The following FRMD5 variants were observed in gnomAD, a reference collection of about 807,000 sequenced individuals.
The protein encoded by FRMD5 is FERM domain-containing protein 5.
In FRMD5, 20 loss-of-function variants were observed where a neutral mutation model predicts 69.0. The ratio of observed to expected loss-of-function variants is 0.29; its 90% CI spans 0.20 to 0.42. The LOEUF (loss-of-function observed/expected upper bound fraction) is 0.42, where lower values mean the gene tolerates loss of function less well. Among genes scored for constraint, FRMD5 ranks in the 10% least tolerant of loss-of-function variants. FRMD5 has a pLI of 1.00. For missense variants in FRMD5, 595 were observed against 708.6 expected (o/e 0.84, Z 1.82); for synonymous variants, 271 against 260.1 (o/e 1.04, Z -0.40).
At chr15:43,904,782 G>A (rs1453656080) in intron 6 of FRMD5, among the ~76,000 whole-genome samples, 1 of 152,116 alleles carries the variant, frequency 6.6e-6, no homozygotes. Context: ...TTTAAAATCA[G>A]GCTTTGTAGA....
At chr15:44,148,271 T>A (rs2077386212) in intron 1 of FRMD5, among the ~76,000 whole-genome samples, 1 of 152,006 alleles carries the variant, frequency 6.6e-6, no homozygotes, top group Admixed American at 6.6e-5. Flanking sequence ...GCTTCACAGA[T>A]ATTACTTTTT....
chr15:44,033,665 A>G (rs566049913), intron 1 of FRMD5, among the ~76,000 whole-genome samples: 24 of 152,322 alleles, frequency 1.6e-4, no homozygotes, highest in African/African-American at 5.8e-4. Flanking sequence ...GTTCTGAGCT[A>G]ATTTCAAAAA....
intron 1 of FRMD5, among the ~76,000 whole-genome samples, chr15:44,058,281 A>T (rs1310066380): frequency 6.6e-6 from 1 of 152,192 alleles, no homozygotes; most frequent in African/African-American, 2.4e-5. Context: ...GTTTATATGA[A>T]ATGTCCAGCA....
chr15:44,154,408 G>A (rs985819270), intron 1 of FRMD5, among the ~76,000 whole-genome samples: 7 of 151,774 alleles, frequency 4.6e-5, no homozygotes, highest in African/African-American at 4.8e-5. Context: ...TAGTTTTTCC[G>A]AATCACCATG....
At chr15:44,115,448 T>C (rs1036113253) in intron 1 of FRMD5, among the ~76,000 whole-genome samples, 1 of 152,196 alleles carries the variant, frequency 6.6e-6, no homozygotes, top group African/African-American at 2.4e-5. Context: ...CAGCTGGAAA[T>C]GCGTTTCTTT....
At chr15:44,148,522 C>T (rs2077393145) in intron 1 of FRMD5, among the ~76,000 whole-genome samples, 1 of 152,166 alleles carries the variant, frequency 6.6e-6, no homozygotes, top group Non-Finnish European at 1.5e-5. Context: ...CCGCCCGCCT[C>T]GGCCTCCCAA....
rs925441888 is a variant in FRMD5 at position 43,921,650 on chromosome 15, A to G, written c.208-1841T>C. On this transcript the variant is annotated intron_variant, in intron 2 of 13. Transcript: ENST00000417257. ...CCAGATTCACTAGCAAACAGACAACATGGGCTTAGGGAGGAGGGATTAAAA... is the reference window on the plus strand; with the variant it reads ...CCAGATTCACTAGCAAACAGACAACGTGGGCTTAGGGAGGAGGGATTAAAA... Among the ~76,000 whole-genome samples the G allele has an allele frequency of 3.9e-5, 6 of 152,166 alleles. No individual in the cohort carries two copies. The East Asian group carries it at 1.2e-3, about 29-fold the overall frequency.
chr15:43,874,196 T>C lies in FRMD5; in HGVS notation c.1402A>G (p.Thr468Ala), dbSNP rs2088253093. The C allele has an allele frequency of 1.2e-6, 2 of 1,614,034 alleles. No homozygotes were observed. The highest frequency in any genetic ancestry group is 1.3e-5 in the African/African-American group (1 of 74,918). ...EEKESEASTP[T>A]ATEVEALGGE... is the part of the protein sequence containing the mutation. ...CCAAGGGCCTCCACCTCTGTAGCAG[T>C]TGGGGTGCTGGCTTCAGATTCCTTC... The change falls in exon 14 of 14, where the codon ACT becomes GCT. Residue 468 changes from threonine (T) to alanine (A), a missense_variant. Physicochemically the swap from Thr to Ala is moderately conservative, Grantham distance 58. Transcript: ENST00000417257.
chr15:43,899,481 T>G (rs1236591752), intron 7 of FRMD5, among the ~76,000 whole-genome samples: 1 of 152,188 alleles, frequency 6.6e-6, no homozygotes, highest in Non-Finnish European at 1.5e-5. Context: ...GCTCTACCGC[T>G]GAGGGCTTGT....
intron 4 of FRMD5, chr15:43,917,973 C>T (rs1009468140): frequency 1.3e-5 from 2 of 152,456 alleles, no homozygotes; most frequent in African/African-American, 2.4e-5. Context: ...TGTGAAGGGC[C>T]CATGCCGAAG....
upstream of FRMD5, among the ~76,000 whole-genome samples, chr15:44,197,538 C>T (rs915489888): frequency 5.9e-5 from 9 of 151,420 alleles, no homozygotes; most frequent in East Asian, 2.0e-4. Context: ...AAAAATGAGC[C>T]GGGCATGGTG....
rs1334724047 is a variant in FRMD5, at chr15:43,873,235, G to GA, written c.*649dup. 9.0e-6 allele frequency: 14 copies of GA among 1,548,108 alleles called. No homozygotes were observed. Among genetic ancestry groups the GA allele is most frequent in the Non-Finnish European group, 1.1e-5 (13 of 1,146,464 alleles). The stretch of plus-strand genomic sequence containing the variant: ...TCAGATGCCCACTCTGCTCAGATTT[G>GA]AAAAAACAAAAGGAAAAGAAAATCC... On this transcript the variant is annotated 3_prime_UTR_variant, in exon 14 of 14. Transcript: ENST00000417257.
At chr15:43,989,592 A>G (rs1404866430) in intron 1 of FRMD5, 21 of 852,506 alleles carry the variant, frequency 2.5e-5, no homozygotes, top group Non-Finnish European at 4.1e-5. Flanking sequence ...GTGAAGATGT[A>G]GCTGTGCTAG....
At chr15:44,113,214 G>A (rs1309918948) in intron 1 of FRMD5, among the ~76,000 whole-genome samples, 1 of 152,170 alleles carries the variant, frequency 6.6e-6, no homozygotes, top group Non-Finnish European at 1.5e-5. Flanking sequence ...TTCCCGGTAG[G>A]AGCAAAGAAA....
At chr15:44,153,748 C>T (rs2077483029) in intron 1 of FRMD5, among the ~76,000 whole-genome samples, 1 of 152,206 alleles carries the variant, frequency 6.6e-6, no homozygotes. Flanking sequence ...GCGGGTGAAT[C>T]ACCTGCTGTC....
chr15:43,930,980 G>A (rs1057228253), intron 1 of FRMD5, among the ~76,000 whole-genome samples: 1 of 152,228 alleles, frequency 6.6e-6, no homozygotes, highest in Non-Finnish European at 1.5e-5. Context: ...TGTACAGCTT[G>A]TAAGAGCAAG....
chr15:43,924,208 C>T lies in FRMD5; in HGVS notation c.204G>A (p.Gln68=), dbSNP rs760143289. The change falls in exon 2 of 14, where the codon CAG becomes CAA. Residue 68 remains glutamine, a synonymous_variant. Transcript: ENST00000417257. ...TGTGCTTTGAATATTGACTTACCCG[C>T]TGCTTATCTGGGTCTACAAAGCGGA... ...FGIRFVDPDK[Q]RHWLEFTKSV... 1 of 1,610,788 alleles carries T rather than the reference C, an allele frequency of 6.2e-7. No homozygotes were observed. Among genetic ancestry groups the T allele is most frequent in the East Asian group, 2.2e-5 (1 of 44,848 alleles).
At chr15:44,185,384 G>A (rs1462434766) in intron 1 of FRMD5, among the ~76,000 whole-genome samples, 1 of 152,180 alleles carries the variant, frequency 6.6e-6, no homozygotes, top group African/African-American at 2.4e-5. Context: ...AGTGTATACT[G>A]AGAAATTGCA....
intron 1 of FRMD5, among the ~76,000 whole-genome samples, chr15:43,928,964 A>G (rs1157571150): frequency 6.6e-6 from 1 of 152,252 alleles, no homozygotes; most frequent in East Asian, 1.9e-4. Context: ...TTGGATCAAA[A>G]TAACTTATTA....
Sources: allele counts gnomAD v4.1 joint callset (sites outside exome capture counted in the v4.1 genomes callset), GRCh38; gene constraint gnomAD v4.1.1; transcripts MANE v1.5; gene names NCBI Gene and HGNC (gene_info 2026-07-23, HGNC 2026-07-21).